FAM53B: variants seen among roughly 807,000 people sequenced by gnomAD.
FAM53B encodes protein FAM53B.
FAM53B carries 12 observed loss-of-function variants against 32.7 expected under a neutral mutation model. That is an observed-to-expected ratio of 0.37 (90% CI 0.24 to 0.59). FAM53B has a LOEUF of 0.59. Ranked by LOEUF, FAM53B falls within the 20% of genes least tolerant of loss-of-function variation. FAM53B has a pLI of 0.72. For synonymous variants in FAM53B, 234 were observed against 228.7 expected (o/e 1.02, Z -0.21); for missense variants, 477 against 577.7 (o/e 0.83, Z 1.79).
rs572393677 is a variant in FAM53B, at chr10:124,740,854, AAGG to A, written c.-175+3156_-175+3158del. Among the ~76,000 whole-genome samples, 15 of 152,278 alleles carry A rather than the reference AAGG, an allele frequency of 9.9e-5. No individual in the cohort carries two copies. The East Asian group carries it at 2.5e-3, about 25-fold the overall frequency. ...GGGGAGGGTAGCAGCCGGACGAGGCAAGGAGGAGGAGAGTCCAGCAGAGCTAAG... is the reference window on the plus strand; with the variant it reads ...GGGGAGGGTAGCAGCCGGACGAGGCAAGGAGGAGAGTCCAGCAGAGCTAAG... On this transcript the variant is annotated intron_variant, in intron 1 of 4. Transcript: ENST00000337318.
intron 1 of FAM53B, among the ~76,000 whole-genome samples, chr10:124,731,627 T>C (rs867144918): frequency 4.5e-4 from 69 of 152,038 alleles, no homozygotes; most frequent in African/African-American, 1.6e-3. Flanking sequence ...CTAGTTCCTG[T>C]TCCAGACACT....
intron 4 of FAM53B, among the ~76,000 whole-genome samples, chr10:124,626,752 T>C (rs1200554684): frequency 2.0e-5 from 3 of 152,232 alleles, no homozygotes; most frequent in Non-Finnish European, 4.4e-5. Flanking sequence ...GCTAGACCTT[T>C]CACAGACGTG....
At chr10:124,727,580 T>C (rs1423901547) in intron 1 of FAM53B, among the ~76,000 whole-genome samples, 1 of 152,124 alleles carries the variant, frequency 6.6e-6, no homozygotes. Flanking sequence ...CCTGGGCATT[T>C]CTACTAGTCA....
At chr10:124,691,485 AT>A (rs999058394) in intron 3 of FAM53B, among the ~76,000 whole-genome samples, 1 of 151,906 alleles carries the variant, frequency 6.6e-6, no homozygotes, top group Non-Finnish European at 1.5e-5. Context: ...TTTCCATCCA[AT>A]TTTTTTTAGC....
At chr10:124,679,540 G>A (rs536243047) in intron 4 of FAM53B, among the ~76,000 whole-genome samples, 2 of 152,366 alleles carry the variant, frequency 1.3e-5, no homozygotes, top group East Asian at 1.9e-4. Flanking sequence ...CCCATGGAGA[G>A]AGGGCTGACC....
intron 1 of FAM53B, among the ~76,000 whole-genome samples, chr10:124,737,932 C>CT (rs1381513476): frequency 6.6e-6 from 1 of 152,100 alleles, no homozygotes; most frequent in African/African-American, 2.4e-5. Context: ...GAGAACTGCC[C>CT]TGAAACCACA....
intron 4 of FAM53B, among the ~76,000 whole-genome samples, chr10:124,652,341 C>T (rs990273623): frequency 2.0e-5 from 3 of 152,178 alleles, no homozygotes; most frequent in Admixed American, 2.0e-4. Flanking sequence ...GGAACTCATG[C>T]CCAATTCACA....
At chr10:124,672,069 G>A (rs1351894657) in intron 4 of FAM53B, among the ~76,000 whole-genome samples, 3 of 152,228 alleles carry the variant, frequency 2.0e-5, no homozygotes, top group Non-Finnish European at 2.9e-5. Context: ...CTGTCAGCAG[G>A]AGAAATTCTC....
chr10:124,697,187 C>T (rs549441660), intron 2 of FAM53B, among the ~76,000 whole-genome samples: 137 of 152,210 alleles, frequency 9.0e-4, no homozygotes, highest in African/African-American at 3.0e-3. Context: ...TCAGTGGGCA[C>T]GGGCTGGTGA....
intron 4 of FAM53B, among the ~76,000 whole-genome samples, chr10:124,646,467 A>T (rs1023198846): frequency 2.0e-5 from 3 of 152,230 alleles, no homozygotes; most frequent in Non-Finnish European, 4.4e-5. Flanking sequence ...CCGTTTTGTT[A>T]CCATCTACCA....
intron 2 of FAM53B, 77 bp downstream of exon 2, chr10:124,706,559 T>C (rs1477705465): frequency 1.3e-6 from 2 of 1,579,560 alleles, no homozygotes; most frequent in Non-Finnish European, 1.7e-6. Flanking sequence ...TAAGCTTAGG[T>C]GCTCAGTCCA....
intron 2 of FAM53B, among the ~76,000 whole-genome samples, chr10:124,699,397 TG>T (rs1949898302): frequency 6.6e-6 from 1 of 152,166 alleles, no homozygotes; most frequent in African/African-American, 2.4e-5. Flanking sequence ...CAAACCTCAG[TG>T]GGGAAGGGCT....
rs1272677786 is a variant in FAM53B, at chr10:124,743,905, C to A, written c.-175+108G>T. The A allele has an allele frequency of 4.0e-5, 6 of 151,088 alleles. No homozygotes were observed. In the East Asian group the frequency reaches 1.2e-3, roughly 29 times the overall value. The allele number at this position is 151,088 out of a possible 1,614,324, so 9.4% of individuals were successfully genotyped here. A position where few individuals can be genotyped will look rare whatever the true frequency, so the allele number is the denominator to read the frequency against. On this transcript the variant is annotated intron_variant, in intron 1 of 4. Transcript: ENST00000337318. The stretch of plus-strand genomic sequence containing the variant: ...AAAAAAAAGGCAAGCCCATTGCGCA[C>A]GCGAGCCGGGCTCCCTCCAGCCAGC...
intron 1 of FAM53B, among the ~76,000 whole-genome samples, chr10:124,718,830 T>C (rs1950051546): frequency 6.6e-6 from 1 of 152,230 alleles, no homozygotes; most frequent in African/African-American, 2.4e-5. Flanking sequence ...GGTGAAATGC[T>C]TGAGCCCAAG....
At chr10:124,688,609 AG>A (rs1348552266) in intron 3 of FAM53B, among the ~76,000 whole-genome samples, 1 of 152,220 alleles carries the variant, frequency 6.6e-6, no homozygotes, top group African/African-American at 2.4e-5. Context: ...TATGCCACAA[AG>A]AACAGGAGAA....
Position 124,733,531 on chromosome 10 carries a change from A to G in FAM53B, c.-175+10482T>C, listed in dbSNP as rs1352106562. ...GCCTGTTTTTCCCTTTAAAGAAAAAAAAAAGGTAGTTTTACACTGAATCAG... is the reference window on the plus strand; with the variant it reads ...GCCTGTTTTTCCCTTTAAAGAAAAAGAAAAGGTAGTTTTACACTGAATCAG... On this transcript the variant is annotated intron_variant, in intron 1 of 4. Coordinates refer to ENST00000337318, the MANE Select transcript of FAM53B (RefSeq NM_014661.4). The surrounding 1 kb of genome is among the most constrained non-coding windows in gnomAD (Gnocchi z 4.3). Among the ~76,000 whole-genome samples, 1 of 152,230 alleles carries G rather than the reference A, an allele frequency of 6.6e-6. No homozygotes were observed. Among genetic ancestry groups the G allele is most frequent in the African/African-American group, 2.4e-5 (1 of 41,468 alleles).
chr10:124,727,219 C>T (rs1478959258), intron 1 of FAM53B, among the ~76,000 whole-genome samples: 3 of 150,762 alleles, frequency 2.0e-5, no homozygotes, highest in South Asian at 2.1e-4. Flanking sequence ...GTTTTCTCTA[C>T]GTTGACTAGG....
chr10:124,699,563 G>C (rs977154847), intron 2 of FAM53B, among the ~76,000 whole-genome samples: 1 of 152,194 alleles, frequency 6.6e-6, no homozygotes, highest in African/African-American at 2.4e-5. Context: ...TCCCCACCCC[G>C]GGCAAGCCAC....
At chr10:124,639,613 C>G (rs1949457517) in intron 4 of FAM53B, among the ~76,000 whole-genome samples, 1 of 152,204 alleles carries the variant, frequency 6.6e-6, no homozygotes, top group Non-Finnish European at 1.5e-5. Flanking sequence ...GGGTGGGTCT[C>G]TGTTCTTTTG....
Sources: allele counts gnomAD v4.1 joint callset (sites outside exome capture counted in the v4.1 genomes callset), GRCh38; gene constraint gnomAD v4.1.1; non-coding constraint Gnocchi (gnomAD v3.1); transcripts MANE v1.5; gene names NCBI Gene and HGNC (gene_info 2026-07-23, HGNC 2026-07-21).